Variants in RYR3 observed in about 807,000 individuals in gnomAD.
The protein encoded by RYR3 is ryanodine receptor 3.
Under a neutral mutation model 584.3 loss-of-function variants are expected in RYR3, and 207 were observed. The observed-to-expected ratio is 0.35, with a 90% CI of 0.32 to 0.40. The LOEUF (loss-of-function observed/expected upper bound fraction) is 0.40, where lower values mean the gene tolerates loss of function less well. RYR3 is among the 10% of genes least tolerant of loss of function. The probability of loss-of-function intolerance (pLI) is 1.00; values close to 1 mark genes in which losing one functional copy is unlikely to be tolerated. For missense variants in RYR3, 5,616 were observed against 6,089.2 expected, an observed-to-expected ratio of 0.92 and a Z score of 2.59; for synonymous variants, 2,416 against 2,248.5, an observed-to-expected ratio of 1.07 and a Z score of -2.11.
intron 2 of RYR3, among the ~76,000 whole-genome samples, chr15:33,474,525 CT>C (rs2049204149): frequency 6.6e-6 from 1 of 152,146 alleles, no homozygotes; most frequent in Non-Finnish European, 1.5e-5. Flanking sequence ...GGCTAATAGC[CT>C]TTTCTTAAAG....
intron 67 of RYR3, among the ~76,000 whole-genome samples, 197 bp downstream of exon 67, chr15:33,788,655 G>A (rs1452963537): frequency 6.6e-6 from 1 of 152,198 alleles, no homozygotes; most frequent in Non-Finnish European, 1.5e-5. Context: ...CAATGATTCT[G>A]TATGGTCTGT....
intron 3 of RYR3, among the ~76,000 whole-genome samples, chr15:33,525,481 C>T (rs987961270): frequency 6.6e-6 from 1 of 152,168 alleles, no homozygotes; most frequent in African/African-American, 2.4e-5. Context: ...TTAAATCTGT[C>T]AGTTAAATTT....
At chr15:33,794,611 T>C (rs74008323) in intron 67 of RYR3, among the ~76,000 whole-genome samples, 2,834 of 152,170 alleles carry the variant, frequency 0.019, 96 homozygotes, top group African/African-American at 0.066. Flanking sequence ...GTTGTACTTA[T>C]GCGGTGTTTG....
intron 18 of RYR3, among the ~76,000 whole-genome samples, chr15:33,611,673 A>T (rs918837855): frequency 6.6e-6 from 1 of 151,976 alleles, no homozygotes; most frequent in African/African-American, 2.4e-5. Context: ...TTTTGTATTT[A>T]TTTGAGACAG....
intron 3 of RYR3, among the ~76,000 whole-genome samples, chr15:33,514,430 G>C (rs2053319464): frequency 6.6e-6 from 1 of 152,092 alleles, no homozygotes; most frequent in Non-Finnish European, 1.5e-5. Flanking sequence ...CCGCACCACG[G>C]AGGTTTCTTC....
intron 1 of RYR3, among the ~76,000 whole-genome samples, chr15:33,444,139 T>C (rs969909816): frequency 2.7e-4 from 41 of 152,240 alleles, no homozygotes; most frequent in Non-Finnish European, 5.4e-4. Context: ...GGATTTTTTT[T>C]CTCCATTTCA....
chr15:33,574,412 C>G (rs970981780), intron 12 of RYR3, among the ~76,000 whole-genome samples: 2 of 152,068 alleles, frequency 1.3e-5, no homozygotes, highest in Non-Finnish European at 2.9e-5. Flanking sequence ...TACTGCCGAG[C>G]CTTCATCTCA....
At chr15:33,424,054 C>T (rs1427554973) in intron 1 of RYR3, among the ~76,000 whole-genome samples, 1 of 152,172 alleles carries the variant, frequency 6.6e-6, no homozygotes, top group East Asian at 1.9e-4. Flanking sequence ...TAGACTAGTA[C>T]AGTGGCTTGC....
intron 15 of RYR3, 22 bp from the exon 16 acceptor site, chr15:33,585,976 G>T: frequency 6.9e-7 from 1 of 1,459,682 alleles, no homozygotes; most frequent in South Asian, 1.1e-5. Context: ...GTCCAAATTT[G>T]ATGTTTGTGG....
chr15:33,704,538 A>G (rs1377861793), intron 42 of RYR3, among the ~76,000 whole-genome samples: 2 of 152,190 alleles, frequency 1.3e-5, no homozygotes, highest in Non-Finnish European at 2.9e-5. Context: ...GTGTCTATTC[A>G]TGGTCTCTGC....
chr15:33,560,437 A>G (rs1197779204), intron 10 of RYR3, among the ~76,000 whole-genome samples: 1 of 107,028 alleles, frequency 9.3e-6, no homozygotes, highest in East Asian at 2.2e-4. Flanking sequence ...AATTCCAGAA[A>G]AACAGATCTT....
rs2061976307 is a variant in RYR3 at position 33,644,168 on chromosome 15, A to G, written c.3557-143A>G. On this transcript the variant is annotated intron_variant, in intron 27 of 103. Transcript: ENST00000634891. ...CCTCCTGTTGTTGATTTTATGTGCC[A>G]GGAAGAAAGAAAGAAAGAACGGGTT... 10 of 645,336 alleles carry G rather than the reference A, an allele frequency of 1.5e-5. No individual in the cohort carries two copies. In the South Asian group the frequency reaches 1.8e-4, roughly 11 times the overall value. The allele number at this position is 645,336 out of a possible 1,614,324, so 40.0% of individuals were successfully genotyped here.
chr15:33,498,590 CT>C (rs1435317440), intron 2 of RYR3, among the ~76,000 whole-genome samples: 1 of 152,024 alleles, frequency 6.6e-6, no homozygotes, highest in Non-Finnish European at 1.5e-5. Context: ...ATATTAATTC[CT>C]TGTTGGATGA....
intron 19 of RYR3, among the ~76,000 whole-genome samples, chr15:33,617,599 T>G (rs901307208): frequency 6.6e-6 from 1 of 152,188 alleles, no homozygotes; most frequent in African/African-American, 2.4e-5. Context: ...ATTTTTAACT[T>G]CCGTATGGCT....
At chr15:33,490,936 G>T (rs981360503) in intron 2 of RYR3, among the ~76,000 whole-genome samples, 1 of 152,104 alleles carries the variant, frequency 6.6e-6, no homozygotes, top group Non-Finnish European at 1.5e-5. Context: ...ATGGGGCTTG[G>T]CACGGAGTTC....
intron 69 of RYR3, 185 bp downstream of exon 69, chr15:33,802,146 A>G (rs1405786296): frequency 1.4e-6 from 1 of 740,506 alleles, no homozygotes; most frequent in Admixed American, 1.7e-5. Flanking sequence ...AAGCATGGTC[A>G]TCACATTTTA....
chr15:33,834,583 C>T (rs1232409685), intron 86 of RYR3, among the ~76,000 whole-genome samples: 3 of 152,002 alleles, frequency 2.0e-5, no homozygotes, highest in Non-Finnish European at 4.4e-5. Context: ...CTGTGCTTCG[C>T]AGCACCCTTG....
chr15:33,607,032 T>C (rs913673257), intron 18 of RYR3, among the ~76,000 whole-genome samples: 1 of 152,186 alleles, frequency 6.6e-6, no homozygotes, highest in African/African-American at 2.4e-5. Context: ...GGTATTTGTT[T>C]ATAAAACACA....
intron 98 of RYR3, among the ~76,000 whole-genome samples, chr15:33,855,117 A>G (rs966919685): frequency 2.6e-5 from 4 of 152,366 alleles, no homozygotes; most frequent in South Asian, 2.1e-4. Flanking sequence ...TCTAAAAAGC[A>G]TAAGACCTTG....
Sources: allele counts gnomAD v4.1 joint callset (sites outside exome capture counted in the v4.1 genomes callset), GRCh38; gene constraint gnomAD v4.1.1; transcripts MANE v1.5; gene names NCBI Gene and HGNC (gene_info 2026-07-23, HGNC 2026-07-21).